CREBBP: variants seen among roughly 807,000 people sequenced by gnomAD.
The protein encoded by CREBBP is CREB binding lysine acetyltransferase.
CREBBP carries 19 observed loss-of-function variants against 265.0 expected under a neutral mutation model. The observed-to-expected ratio is 0.07, with a 90% CI of 0.05 to 0.11. The LOEUF is 0.11. CREBBP is among the 10% of genes least tolerant of loss of function. The pLI is 1.00. For synonymous variants in CREBBP, 1,457 were observed against 1,223.7 expected (o/e 1.19, Z -3.98); for missense variants, 2,525 against 3,219.0 (o/e 0.78, Z 5.22).
chr16:3,839,856 T>G (rs2054532996), intron 2 of CREBBP, among the ~76,000 whole-genome samples: 2 of 141,434 alleles, frequency 1.4e-5, no homozygotes, highest in East Asian at 2.1e-4. Context: ...AGAGGAAGAG[T>G]GAGAGAAAGA....
intron 7 of CREBBP, 86 bp from the exon 8 acceptor site, chr16:3,780,964 T>C (rs1371927691): frequency 2.0e-6 from 3 of 1,514,580 alleles, no homozygotes; most frequent in African/African-American, 1.4e-5. Context: ...CCACCACATG[T>C]GACTTTTAAA....
chr16:3,845,382 G>C (rs1339700794), intron 2 of CREBBP, among the ~76,000 whole-genome samples: 1 of 152,054 alleles, frequency 6.6e-6, no homozygotes, highest in Non-Finnish European at 1.5e-5. Flanking sequence ...AAGGTCAATG[G>C]AACTAAAGAA....
chr16:3,761,041 G>A (rs1402967198), intron 16 of CREBBP, among the ~76,000 whole-genome samples: 2 of 151,904 alleles, frequency 1.3e-5, no homozygotes, highest in Admixed American at 6.6e-5. Context: ...TGCAATCTCC[G>A]CCTCCCGGGT....
chr16:3,798,951 G>T (rs2053659556), intron 3 of CREBBP, among the ~76,000 whole-genome samples: 1 of 152,152 alleles, frequency 6.6e-6, no homozygotes, highest in African/African-American at 2.4e-5. Flanking sequence ...AAGTGATGAA[G>T]GGAAAAACAA....
At chr16:3,837,390 C>T (rs1350585433) in intron 2 of CREBBP, among the ~76,000 whole-genome samples, 1 of 152,140 alleles carries the variant, frequency 6.6e-6, no homozygotes, top group Admixed American at 6.5e-5. Flanking sequence ...CCGAGGCGGG[C>T]AGACTGCCTG....
rs780074564 is a variant in CREBBP at position 3,757,257 on chromosome 16, G to C, written c.3698+31C>G. 5.2e-6 allele frequency: 8 copies of C among 1,544,550 alleles called. No homozygotes were observed. The East Asian group carries it at 6.8e-5, about 13-fold the overall frequency. On this transcript the variant is annotated intron_variant, in intron 19 of 30. Transcript: ENST00000262367. ...ACCAGATGAACGTGCCTTGCCCTAA[G>C]ACATAATGCAGGATGCTGCTTGACG...
intron 19 of CREBBP, among the ~76,000 whole-genome samples, chr16:3,756,637 T>C (rs1350385850): frequency 2.0e-5 from 3 of 152,220 alleles, no homozygotes; most frequent in Non-Finnish European, 2.9e-5. Flanking sequence ...TTTTGTATCG[T>C]GCTGCTAGTG....
In CREBBP at chr16:3,738,082, G is replaced by A. The variant is rs889121829; in HGVS notation, c.4394+477C>T. 1.3e-4 allele frequency among the ~76,000 whole-genome samples: 20 copies of A among 151,850 alleles called. No individual in the cohort carries two copies. The South Asian group carries it at 2.3e-3, about 17-fold the overall frequency. On this transcript the variant is annotated intron_variant, in intron 26 of 30. Transcript: ENST00000262367. ...ATTACAGGTGTGAGCCACCGCGCCC[G>A]GCCTTTTTTTTAATTTTTAGTAGAG... is the stretch of plus-strand genomic sequence containing the variant.
chr16:3,856,984 C>G (rs575237234), intron 1 of CREBBP, among the ~76,000 whole-genome samples: 1 of 152,246 alleles, frequency 6.6e-6, no homozygotes, highest in South Asian at 2.1e-4. Context: ...CAGCTGGAAG[C>G]TGAGCACAGG....
At chr16:3,759,753 C>T (rs1042781737) in intron 16 of CREBBP, among the ~76,000 whole-genome samples, 8 of 152,212 alleles carry the variant, frequency 5.3e-5, no homozygotes, top group Non-Finnish European at 1.5e-5. Flanking sequence ...ATAAAAAGTT[C>T]CATATTGCTT....
At chr16:3,832,181 G>A (rs1214455047) in intron 2 of CREBBP, among the ~76,000 whole-genome samples, 1 of 151,964 alleles carries the variant, frequency 6.6e-6, no homozygotes, top group African/African-American at 2.4e-5. Flanking sequence ...TAAAGTAACT[G>A]AATCATAATT....
intron 5 of CREBBP, among the ~76,000 whole-genome samples, chr16:3,784,004 CAGA>C (rs2053332637): frequency 6.6e-6 from 1 of 152,196 alleles, no homozygotes; most frequent in African/African-American, 2.4e-5. Context: ...TATCATATGG[CAGA>C]AGTTCTATAT....
intron 2 of CREBBP, among the ~76,000 whole-genome samples, chr16:3,844,679 G>C (rs1003381344): frequency 6.6e-6 from 1 of 152,146 alleles, no homozygotes; most frequent in African/African-American, 2.4e-5. Context: ...TAATGCAAAA[G>C]ATGACTATCT....
intron 14 of CREBBP, 81 bp downstream of exon 14, chr16:3,770,489 C>T (rs2141197515): frequency 1.3e-6 from 2 of 1,512,064 alleles, no homozygotes; most frequent in South Asian, 1.1e-5. Context: ...AACCACCGCG[C>T]CTGGCCTGAC....
At chr16:3,750,210 T>C (rs1334948971) in intron 20 of CREBBP, among the ~76,000 whole-genome samples, 1 of 152,168 alleles carries the variant, frequency 6.6e-6, no homozygotes, top group Non-Finnish European at 1.5e-5. Context: ...ACTATGTTGC[T>C]CAGGCAACAA....
intron 11 of CREBBP, among the ~76,000 whole-genome samples, chr16:3,776,119 T>C (rs753761878): frequency 6.6e-6 from 1 of 152,084 alleles, no homozygotes; most frequent in Non-Finnish European, 1.5e-5. Context: ...GGTTTCACCA[T>C]GTTGGCTAGG....
intron 28 of CREBBP, among the ~76,000 whole-genome samples, chr16:3,733,976 A>G (rs541811772): frequency 6.1e-4 from 93 of 152,334 alleles, no homozygotes; most frequent in Middle Eastern, 3.4e-3. Flanking sequence ...TAAAATAAAT[A>G]TGTTCATGAA....
At chr16:3,876,044 C>T (rs2055392652) in intron 1 of CREBBP, among the ~76,000 whole-genome samples, 1 of 152,014 alleles carries the variant, frequency 6.6e-6, no homozygotes, top group African/African-American at 2.4e-5. Context: ...TTTTTCTTTT[C>T]CTTTTTCCCC....
intron 3 of CREBBP, among the ~76,000 whole-genome samples, chr16:3,802,114 ATTTTTTTTTTTTTTT>A (rs71133657): frequency 4.9e-4 from 25 of 50,578 alleles, no homozygotes; most frequent in East Asian, 2.2e-3. Context: ...GTATTCCTTA[ATTTTTTTTTTTTTTT>A]TTTTTTTTTT....
Sources: allele counts gnomAD v4.1 joint callset (sites outside exome capture counted in the v4.1 genomes callset), GRCh38; gene constraint gnomAD v4.1.1; transcripts MANE v1.5; gene names NCBI Gene and HGNC (gene_info 2026-07-23, HGNC 2026-07-21).